The following MED1 variants were observed in gnomAD, a reference collection of about 807,000 sequenced individuals.
The protein encoded by MED1 is mediator of RNA polymerase II transcription subunit 1.
MED1 carries 17 observed loss-of-function variants against 121.3 expected under a neutral mutation model. That is an observed-to-expected ratio of 0.14 (90% CI 0.10 to 0.21). MED1 has a LOEUF of 0.21. MED1 is among the 10% of genes least tolerant of loss of function. The pLI is 1.00. For missense variants in MED1, 1,558 were observed against 1,919.4 expected (o/e 0.81, Z 3.52); for synonymous variants, 661 against 694.4 (o/e 0.95, Z 0.76).
At position 39,407,318 on chromosome 17, in the gene MED1, A is replaced by G. The variant is rs1011562054; in HGVS notation, c.*157T>C. The G allele has an allele frequency of 7.1e-7, 1 of 1,405,644 alleles. No homozygotes were observed. Among genetic ancestry groups the G allele is most frequent in the Non-Finnish European group, 9.2e-7 (1 of 1,085,014 alleles). The allele number at this position is 1,405,644 out of a possible 1,614,324, so 87.1% of individuals were successfully genotyped here. On this transcript the variant is annotated 3_prime_UTR_variant, in exon 17 of 17. Coordinates refer to ENST00000300651, the MANE Select transcript of MED1 (RefSeq NM_004774.4). ...GTGGTTTCTTTAATAGGGTCTGGAT[A>G]TGCCTTTCTAATTCACCCAGCTTGA... is the stretch of plus-strand genomic sequence containing the variant.
Position 39,419,936 on chromosome 17 carries a change from T to C in MED1, c.1096-18A>G. 1 of 1,608,058 alleles carries C rather than the reference T, an allele frequency of 6.2e-7. No homozygotes were observed. The highest frequency in any genetic ancestry group is 8.5e-7 in the Non-Finnish European group (1 of 1,174,876). ...GGAAGAGCCTGGGCAAAAAGAACAG[T>C]TAACGAGTGCTATTTAGTTACCTAT... On this transcript the variant is annotated intron_variant, in intron 13 of 16. Coordinates refer to ENST00000300651, the MANE Select transcript of MED1 (RefSeq NM_004774.4).
At chr17:39,447,741 C>T (rs1221029896) in intron 2 of MED1, 57 bp downstream of exon 2, 8 of 1,228,910 alleles carry the variant, frequency 6.5e-6, no homozygotes, top group Admixed American at 1.8e-5. Flanking sequence ...GGGAGCTTAG[C>T]GTATTAAGAA....
chr17:39,443,451 T>C, intron 3 of MED1, 99 bp downstream of exon 3: 3 of 946,212 alleles, frequency 3.2e-6, no homozygotes, highest in Non-Finnish European at 5.0e-6. Flanking sequence ...TACATAAAGT[T>C]GACCTACCTC....
In MED1 at chr17:39,407,944, G is replaced by T. The variant is rs2048318954; in HGVS notation, c.4277C>A (p.Ala1426Asp). Reference sequence around the variant, plus strand: ...TGGAGAGCCATAGTTTTTAGAAGAAGCCATTTGAGGCCTAAGCCCTTCTCC... The same window carrying T: ...TGGAGAGCCATAGTTTTTAGAAGAATCCATTTGAGGCCTAAGCCCTTCTCC... ...SSGEGLRPQM[A>D]SSKNYGSPLI... The change falls in exon 17 of 17, where the codon GCT becomes GAT. Residue 1426 changes from alanine to aspartate, a missense_variant. Transcript: ENST00000300651. 2 of 1,613,956 alleles carry T rather than the reference G, an allele frequency of 1.2e-6. No individual in the cohort carries two copies. Among genetic ancestry groups the T allele is most frequent in the Admixed American group, 3.3e-5 (2 of 59,994 alleles).
rs1268489809 is a variant in MED1 at position 39,434,189 on chromosome 17, G to A, written c.500+60C>T. 5 of 1,203,146 alleles carry A rather than the reference G, an allele frequency of 4.2e-6. No individual in the cohort carries two copies. In the African/African-American group the frequency reaches 4.8e-5, roughly 12 times the overall value. The allele number at this position is 1,203,146 out of a possible 1,614,324, so 74.5% of individuals were successfully genotyped here. A position where few individuals can be genotyped will look rare whatever the true frequency, so the allele number is the denominator to read the frequency against. On this transcript the variant is annotated intron_variant, in intron 7 of 16. Transcript: ENST00000300651. The stretch of plus-strand genomic sequence containing the variant: ...GAGGTGGCAAATTTCTAGGCATAAG[G>A]TGGCTTATAGATTTATACTGATTTT...
chr17:39,437,131 C>A (rs1461560334), intron 6 of MED1, among the ~76,000 whole-genome samples: 1 of 152,146 alleles, frequency 6.6e-6, no homozygotes, highest in Non-Finnish European at 1.5e-5. Flanking sequence ...GGGGTTTCTC[C>A]GTGTTGGTCA....
intron 14 of MED1, among the ~76,000 whole-genome samples, chr17:39,419,244 C>T (rs527710428): frequency 6.6e-6 from 1 of 151,934 alleles, no homozygotes; most frequent in South Asian, 2.1e-4. Flanking sequence ...ACCACCACAA[C>T]TGGCTACTTT....
In MED1 at chr17:39,404,304, T is replaced by G. The variant is rs2048286071; in HGVS notation, c.*3171A>C. On this transcript the variant is annotated 3_prime_UTR_variant, in exon 17 of 17. Transcript: ENST00000300651. ...GGCAAATTACTTTTTATCAAAGAAG[T>G]TTATTTGCATGTAAATAAACAGGTT... 6.6e-6 allele frequency: 1 copy of G among 152,252 alleles called. No individual in the cohort carries two copies. The highest frequency in any genetic ancestry group is 1.5e-5 in the Non-Finnish European group (1 of 68,028). The allele number at this position is 152,252 out of a possible 1,614,324, so 9.4% of individuals were successfully genotyped here.
chr17:39,439,309 C>T, intron 5 of MED1, 116 bp from the exon 6 acceptor site: 1 of 699,698 alleles, frequency 1.4e-6, no homozygotes, highest in Admixed American at 3.1e-5. Flanking sequence ...ATTAAAACTA[C>T]AGATGGTCCT....
chr17:39,451,048 C>T lies in MED1; in HGVS notation c.15G>A (p.Gly5=). 1 of 1,612,062 alleles carries T rather than the reference C, an allele frequency of 6.2e-7. No individual in the cohort carries two copies. Among genetic ancestry groups the T allele is most frequent in the Non-Finnish European group, 8.5e-7 (1 of 1,179,198 alleles). Reference sequence around the variant, plus strand: ...CCTACAGTCACTTACCCTCGGTTTCCCCCTGAGCTTTCATCCTGAAGGCGA... The same window carrying T: ...CCTACAGTCACTTACCCTCGGTTTCTCCCTGAGCTTTCATCCTGAAGGCGA... MKAQ[G]ETEESEKLSK... The change falls in exon 1 of 17, where the codon GGG becomes GGA. Residue 5 remains glycine (G), a synonymous_variant. Transcript: ENST00000300651.
At chr17:39,446,025 T>A (rs533836523) in intron 2 of MED1, among the ~76,000 whole-genome samples, 1 of 143,170 alleles carries the variant, frequency 7.0e-6, no homozygotes, top group African/African-American at 2.6e-5. Flanking sequence ...AGAGATTCCA[T>A]CTTTAAAAAA....
At chr17:39,437,068 G>A (rs188680558) in intron 6 of MED1, among the ~76,000 whole-genome samples, 1 of 152,178 alleles carries the variant, frequency 6.6e-6, no homozygotes, top group African/African-American at 2.4e-5. Context: ...AAGTAGCTGA[G>A]ATTACAAGCA....
intron 7 of MED1, among the ~76,000 whole-genome samples, chr17:39,433,988 T>G (rs553794330): frequency 2.6e-5 from 4 of 152,312 alleles, no homozygotes; most frequent in African/African-American, 9.6e-5. Flanking sequence ...AGCAACTAAT[T>G]CCTTTCAGCC....
intron 14 of MED1, among the ~76,000 whole-genome samples, chr17:39,415,747 G>A (rs570325363): frequency 3.4e-4 from 52 of 151,166 alleles, no homozygotes; most frequent in Admixed American, 1.6e-3. Flanking sequence ...AACCTAGGAG[G>A]CGGAGGTTGT....
intron 9 of MED1, among the ~76,000 whole-genome samples, chr17:39,430,418 G>A (rs530601523): frequency 8.5e-5 from 13 of 152,084 alleles, no homozygotes; most frequent in African/African-American, 2.9e-4. Flanking sequence ...TTGGCCAGGC[G>A]CAGTGGCTCA....
intron 2 of MED1, among the ~76,000 whole-genome samples, chr17:39,445,135 A>G (rs900455012): frequency 6.6e-6 from 1 of 152,202 alleles, no homozygotes; most frequent in Non-Finnish European, 1.5e-5. Context: ...GTCAATGAAT[A>G]CCAGTATTAT....
At chr17:39,415,812 C>T (rs1402777870) in intron 14 of MED1, among the ~76,000 whole-genome samples, 1 of 72,648 alleles carries the variant, frequency 1.4e-5, no homozygotes, top group Non-Finnish European at 2.6e-5. Context: ...AAGACTCCAT[C>T]TCAAAAAAAA....
In MED1 at chr17:39,408,316, G is replaced by A; in HGVS notation, c.3905C>T (p.Ser1302Phe). The change falls in exon 17 of 17, where the codon TCC becomes TTC. Residue 1302 changes from serine to phenylalanine, a missense_variant. Ser to Phe is a radical substitution (Grantham distance 155). Transcript: ENST00000300651. The surrounding 1 kb of genome is among the most constrained non-coding windows in gnomAD (Gnocchi z 4.7). Reference protein sequence around the residue: ...GKSPSRNKKPSLTAVIDKLKH... With the variant: ...GKSPSRNKKPFLTAVIDKLKH... ...CAGTTTATCTATGACAGCTGTCAAG[G>A]ACGGCTTCTTGTTTCTGCTGGGAGA... The A allele has an allele frequency of 6.2e-7, 1 of 1,614,146 alleles. No homozygotes were observed. Among genetic ancestry groups the A allele is most frequent in the Non-Finnish European group, 8.5e-7 (1 of 1,180,042 alleles).
chr17:39,444,928 T>A (rs1322908907), intron 2 of MED1, among the ~76,000 whole-genome samples: 2 of 151,980 alleles, frequency 1.3e-5, no homozygotes, highest in African/African-American at 4.8e-5. Context: ...CCTAACCCTA[T>A]CCAGTGAAGA....
Sources: allele counts gnomAD v4.1 joint callset (sites outside exome capture counted in the v4.1 genomes callset), GRCh38; gene constraint gnomAD v4.1.1; non-coding constraint Gnocchi (gnomAD v3.1); transcripts MANE v1.5; gene names NCBI Gene and HGNC (gene_info 2026-07-23, HGNC 2026-07-21).